The following METTL15 variants were observed in gnomAD, a reference collection of about 807,000 sequenced individuals.
METTL15 encodes 12S rRNA N(4)-cytidine methyltransferase METTL15.
In METTL15, 34 loss-of-function variants were observed where a neutral mutation model predicts 38.3. That is an observed-to-expected ratio of 0.89 (90% confidence interval 0.68 to 1.18). The LOEUF is 1.18. Among genes scored for constraint, METTL15 ranks in the 50% most tolerant of loss-of-function variants. The pLI is 0.00. For synonymous variants in METTL15, 162 were observed against 170.9 expected (o/e 0.95, Z 0.41); for missense variants, 438 against 498.4 (o/e 0.88, Z 1.15).
chr11:28,511,573 C>T (rs931170946), intron 6 of METTL15, among the ~76,000 whole-genome samples: 3 of 152,010 alleles, frequency 2.0e-5, no homozygotes, highest in Admixed American at 1.3e-4. Context: ...TGGTGGGGTT[C>T]GTGGTCTCAC....
At chr11:28,228,624 T>G (rs1207182848) in intron 4 of METTL15, among the ~76,000 whole-genome samples, 1 of 151,878 alleles carries the variant, frequency 6.6e-6, no homozygotes, top group Non-Finnish European at 1.5e-5. Flanking sequence ...TGTAAGTTTC[T>G]GTGTATATGT....
chr11:28,185,655 T>A (rs1283874816), intron 3 of METTL15, among the ~76,000 whole-genome samples: 1 of 151,314 alleles, frequency 6.6e-6, no homozygotes, highest in Non-Finnish European at 1.5e-5. Context: ...TTATTTCCCT[T>A]TGATGCTTTT....
rs568465349 is a variant in METTL15, at chr11:28,310,045, AC to A, written c.778+13121del. ...ATCTTCTTCCCATTGAATTTAATAG[AC>A]CCCCCCATCAACTACTGACACCTGG... On this transcript the variant is annotated intron_variant, in intron 6 of 6. Transcript: ENST00000407364. 3.2e-3 allele frequency among the ~76,000 whole-genome samples: 485 copies of A among 151,572 alleles called. 1 individual carries two copies. Among genetic ancestry groups the A allele is most frequent in the Non-Finnish European group, 5.3e-3 (362 of 67,886 alleles).
intron 3 of METTL15, chr11:28,125,543 C>T (rs1354975919): frequency 6.6e-6 from 1 of 151,866 alleles, no homozygotes; most frequent in East Asian, 1.9e-4. Flanking sequence ...ACCAAGCTAG[C>T]TGATTTTACA....
chr11:28,122,719 T>C lies in METTL15; in HGVS notation c.270+9115T>C, dbSNP rs544806411. 5.9e-5 allele frequency among the ~76,000 whole-genome samples: 9 copies of C among 151,970 alleles called. No homozygotes were observed. The East Asian group carries it at 1.5e-3, about 26-fold the overall frequency. The stretch of plus-strand genomic sequence containing the variant: ...GAAAATATGCTTGTTTTTCTACCAC[T>C]GAATTAATGCATTTTCATCATATAT... On this transcript the variant is annotated intron_variant, in intron 3 of 6. Coordinates refer to ENST00000407364, the MANE Select transcript of METTL15 (RefSeq NM_001113528.2).
chr11:28,185,883 A>G (rs1851475775), intron 3 of METTL15, among the ~76,000 whole-genome samples: 1 of 149,254 alleles, frequency 6.7e-6, no homozygotes, highest in African/African-American at 2.4e-5. Context: ...TATAATTAAT[A>G]TATAAATAAA....
At chr11:28,506,237 T>C in intron 6 of METTL15, among the ~76,000 whole-genome samples, 1 of 152,238 alleles carries the variant, frequency 6.6e-6, no homozygotes, top group East Asian at 1.9e-4. Flanking sequence ...TTGTTTCTAC[T>C]AACCATATTG....
chr11:28,280,683 G>A (rs959571244), intron 4 of METTL15, among the ~76,000 whole-genome samples: 1 of 60,842 alleles, frequency 1.6e-5, no homozygotes, highest in Non-Finnish European at 3.4e-5. Flanking sequence ...TTTTTTTTTT[G>A]TATCTTCCAA....
chr11:28,138,525 CA>C (rs1373990076), intron 3 of METTL15, among the ~76,000 whole-genome samples: 1 of 152,156 alleles, frequency 6.6e-6, no homozygotes, highest in African/African-American at 2.4e-5. Flanking sequence ...AAGGTATTTT[CA>C]AAGAAGTGGT....
chr11:28,232,048 T>G (rs1197591809), intron 4 of METTL15, among the ~76,000 whole-genome samples: 1 of 151,844 alleles, frequency 6.6e-6, no homozygotes, highest in African/African-American at 2.4e-5. Context: ...ATGGGCTGAG[T>G]TCATCTTAAT....
intron 6 of METTL15, among the ~76,000 whole-genome samples, chr11:28,492,462 G>A (rs748175574): frequency 5.9e-5 from 9 of 151,764 alleles, no homozygotes; most frequent in Non-Finnish European, 8.8e-5. Context: ...CTTTGACTTC[G>A]TATTCTTGCT....
At chr11:28,507,859 T>G (rs944119985) in intron 6 of METTL15, among the ~76,000 whole-genome samples, 1 of 152,168 alleles carries the variant, frequency 6.6e-6, no homozygotes, top group Non-Finnish European at 1.5e-5. Context: ...TTCACCACAT[T>G]GCACCTTTAC....
chr11:28,204,668 T>G (rs1449481712), intron 3 of METTL15, among the ~76,000 whole-genome samples: 1 of 151,882 alleles, frequency 6.6e-6, no homozygotes. Context: ...CACTTACTAG[T>G]TTAGTGCAGT....
chr11:28,390,434 G>T (rs577839062), intron 5 of METTL15, among the ~76,000 whole-genome samples: 14 of 152,138 alleles, frequency 9.2e-5, no homozygotes, highest in African/African-American at 3.1e-4. Context: ...TCCAGTTTCA[G>T]CTTTCTACAT....
intron 5 of METTL15, among the ~76,000 whole-genome samples, chr11:28,294,210 C>A (rs1295817033): frequency 6.6e-6 from 1 of 151,790 alleles, no homozygotes; most frequent in Non-Finnish European, 1.5e-5. Flanking sequence ...ATAGCTCTTA[C>A]AACAGCTCTG....
At chr11:28,213,829 G>A (rs1025697628) in intron 4 of METTL15, among the ~76,000 whole-genome samples, 2 of 151,122 alleles carry the variant, frequency 1.3e-5, no homozygotes, top group African/African-American at 4.9e-5. Flanking sequence ...CTAATTTTTT[G>A]TATTTTTAGT....
chr11:28,167,870 T>C (rs1463297955), intron 3 of METTL15, among the ~76,000 whole-genome samples: 1 of 152,132 alleles, frequency 6.6e-6, no homozygotes, highest in Admixed American at 6.6e-5. Flanking sequence ...GTTAACTTTT[T>C]TATTGAGGTT....
At chr11:28,403,258 G>A (rs1338800667) in intron 5 of METTL15, among the ~76,000 whole-genome samples, 2 of 151,964 alleles carry the variant, frequency 1.3e-5, no homozygotes, top group African/African-American at 2.4e-5. Context: ...AGCATGATAA[G>A]TGCTGGAATA....
intron 5 of METTL15, chr11:28,398,839 A>G (rs976589339): frequency 1.1e-4 from 16 of 152,078 alleles, no homozygotes; most frequent in African/African-American, 3.4e-4. Context: ...GCTCATGTAT[A>G]GAAAGAATCA....
Sources: gnomAD v4.1 joint callset for allele counts (sites outside exome capture counted in the v4.1 genomes callset) on GRCh38, gnomAD v4.1.1 for gene constraint, MANE v1.5 for transcripts, NCBI Gene and HGNC (gene_info 2026-07-23, HGNC 2026-07-21) for gene names.